NF1: variants seen among roughly 807,000 people sequenced by gnomAD.
The protein encoded by NF1 is neurofibromin.
Under a neutral mutation model 325.7 loss-of-function variants are expected in NF1, and 122 were observed. The observed-to-expected ratio is 0.37, with a 90% confidence interval of 0.32 to 0.44. The LOEUF (loss-of-function observed/expected upper bound fraction) is 0.44, where lower values mean the gene tolerates loss of function less well. NF1 is among the 20% of genes least tolerant of loss of function. The pLI is 1.00. For synonymous variants in NF1, 1,091 were observed against 1,186.0 expected (o/e 0.92, Z 1.65); for missense variants, 2,140 against 3,415.4 (o/e 0.63, Z 9.31).
rs1567623508 is a variant in NF1 at position 31,349,208 on chromosome 17, T to C, written c.7278T>C (p.Cys2426=). 6.2e-7 allele frequency: 1 copy of C among 1,613,618 alleles called. No individual in the cohort carries two copies. Among genetic ancestry groups the C allele is most frequent in the South Asian group, 1.1e-5 (1 of 91,040 alleles). Reference sequence around the variant, plus strand: ...CTCTGGTTAACAAACACAGAAATTGTGACAAATTTGAAGTGAATACACAGA... The same window carrying C: ...CTCTGGTTAACAAACACAGAAATTGCGACAAATTTGAAGTGAATACACAGA... ...LLTLVNKHRN[C]DKFEVNTQSV... The change falls in exon 49 of 58, where the codon TGT becomes TGC. Residue 2426 remains cysteine (C), a synonymous_variant. Coordinates refer to ENST00000358273, the MANE Select transcript of NF1 (RefSeq NM_001042492.3).
At chr17:31,320,245 T>C (rs2069145697) in intron 36 of NF1, 1 of 680,656 alleles carries the variant, frequency 1.5e-6, no homozygotes. Context: ...AGCAAAACTA[T>C]ATTGTTCTCC....
At chr17:31,318,452 GACC>G (rs776557034) in intron 36 of NF1, 1 of 1,613,994 alleles carries the variant, frequency 6.2e-7, no homozygotes, top group Non-Finnish European at 8.5e-7. Flanking sequence ...GCGGGCCATA[GACC>G]GCTTGCCAGA....
At chr17:31,367,307 G>A (rs1011439705) in intron 57 of NF1, 13 of 1,279,100 alleles carry the variant, frequency 1.0e-5, no homozygotes, top group Admixed American at 2.3e-5. Context: ...ATCTTTGCAC[G>A]AAAATACTGC....
rs2067687613 is a variant in NF1, at chr17:31,261,640, A to G, written c.4578-71A>G. ...ACAGTAAAAGGAAAAGCAACCAGTT[A>G]CAAGTTAAAGAAATGTGTAGTGCTA... On this transcript the variant is annotated intron_variant, in intron 34 of 57. Coordinates refer to ENST00000358273, the MANE Select transcript of NF1 (RefSeq NM_001042492.3). 1.1e-5 allele frequency: 17 copies of G among 1,561,376 alleles called. No individual in the cohort carries two copies. The African/African-American group carries it at 1.8e-4, about 16-fold the overall frequency.
At chr17:31,097,412 C>G (rs1161903104) in intron 1 of NF1, among the ~76,000 whole-genome samples, 1 of 141,028 alleles carries the variant, frequency 7.1e-6, no homozygotes, top group African/African-American at 2.6e-5. Context: ...GAGCTGAGAT[C>G]ACACCACTGC....
At chr17:31,295,277 G>C in intron 36 of NF1, 1 of 1,614,122 alleles carries the variant, frequency 6.2e-7, no homozygotes, top group Non-Finnish European at 8.5e-7. Flanking sequence ...AATAGTTAGA[G>C]TTGCAGCTGC....
intron 38 of NF1, among the ~76,000 whole-genome samples, chr17:31,328,965 A>G (rs894313025): frequency 6.6e-5 from 10 of 152,184 alleles, no homozygotes; most frequent in Non-Finnish European, 1.3e-4. Context: ...TACACAGGAT[A>G]AAAGTTTTGT....
chr17:31,185,935 C>T (rs1567828552), intron 8 of NF1, among the ~76,000 whole-genome samples: 1 of 152,186 alleles, frequency 6.6e-6, no homozygotes, highest in Non-Finnish European at 1.5e-5. Flanking sequence ...CCATCTTCTG[C>T]AGATAACTAC....
intron 30 of NF1, chr17:31,250,239 A>G (rs774653574): frequency 6.4e-6 from 2 of 312,404 alleles, no homozygotes; most frequent in Non-Finnish European, 6.2e-6. Flanking sequence ...AGTTTTTTCA[A>G]CTAGTTAAGT....
At chr17:31,263,913 G>A (rs1227456292) in intron 35 of NF1, among the ~76,000 whole-genome samples, 1 of 152,052 alleles carries the variant, frequency 6.6e-6, no homozygotes, top group Non-Finnish European at 1.5e-5. Flanking sequence ...AACGTTTGGT[G>A]AATAGTCTCC....
intron 26 of NF1, 33 bp downstream of exon 26, chr17:31,232,914 C>T (rs2066736): frequency 3.7e-6 from 6 of 1,613,020 alleles, no homozygotes; most frequent in Non-Finnish European, 5.1e-6. Flanking sequence ...TATAGAAATA[C>T]AAAACCTAGA....
chr17:31,337,773 A>G (rs2069714654), intron 43 of NF1, 46 bp from the exon 44 acceptor site: 1 of 1,582,792 alleles, frequency 6.3e-7, no homozygotes, highest in Non-Finnish European at 8.7e-7. Context: ...AAACAGTTCT[A>G]AAAACATTTA....
intron 1 of NF1, among the ~76,000 whole-genome samples, chr17:31,132,368 C>T (rs978211088): frequency 6.6e-6 from 1 of 151,950 alleles, no homozygotes; most frequent in Non-Finnish European, 1.5e-5. Context: ...ATAGTGACAC[C>T]GTTTCTACTA....
chr17:31,287,345 T>A (rs1178075775), intron 36 of NF1, among the ~76,000 whole-genome samples: 2 of 152,242 alleles, frequency 1.3e-5, no homozygotes, highest in African/African-American at 4.8e-5. Flanking sequence ...CTTAACCATA[T>A]TTTTTATCAG....
chr17:31,261,706 T>C lies in NF1; in HGVS notation c.4578-5T>C, dbSNP rs772759508. On this transcript the variant is annotated splice_polypyrimidine_tract_variant and splice_region_variant and intron_variant, in intron 34 of 57. Coordinates refer to ENST00000358273, the MANE Select transcript of NF1 (RefSeq NM_001042492.3). ...TTTTTTTTCTAAGTAGTTTGCTGTA[T>C]CTAGGGATCATAAAGCTGTTGGAAG... The C allele has an allele frequency of 1.2e-6, 2 of 1,611,918 alleles. No homozygotes were observed. The highest frequency in any genetic ancestry group is 1.3e-5 in the African/African-American group (1 of 74,834).
At chr17:31,342,567 G>GAC (rs1428386153) in intron 47 of NF1, among the ~76,000 whole-genome samples, 1 of 152,086 alleles carries the variant, frequency 6.6e-6, no homozygotes, top group Admixed American at 6.6e-5. Flanking sequence ...CAGCCTGGGC[G>GAC]ACAGAGTAAG....
At chr17:31,207,553 A>C (rs1276545468) in intron 12 of NF1, among the ~76,000 whole-genome samples, 1 of 152,206 alleles carries the variant, frequency 6.6e-6, no homozygotes, top group African/African-American at 2.4e-5. Context: ...AGCCTAAAAA[A>C]TATAGCCAAA....
intron 1 of NF1, among the ~76,000 whole-genome samples, chr17:31,127,803 A>C (rs558636983): frequency 1.3e-5 from 2 of 152,176 alleles, no homozygotes; most frequent in South Asian, 4.1e-4. Context: ...ATGATCTACA[A>C]ATAGTTGTAG....
chr17:31,181,888 CT>C, intron 7 of NF1, 103 bp downstream of exon 7: 1 of 820,392 alleles, frequency 1.2e-6, no homozygotes, highest in Non-Finnish European at 2.0e-6. Flanking sequence ...TATAAAGGTG[CT>C]TTTACATCTT....
Sources: allele counts gnomAD v4.1 joint callset (sites outside exome capture counted in the v4.1 genomes callset), GRCh38; gene constraint gnomAD v4.1.1; transcripts MANE v1.5; gene names NCBI Gene and HGNC (gene_info 2026-07-23, HGNC 2026-07-21).